Variants in PARG observed in about 807,000 individuals in gnomAD.
The protein encoded by PARG is poly(ADP-ribose) glycohydrolase.
In PARG, 35 loss-of-function variants were observed where a neutral mutation model predicts 113.0. The ratio of observed to expected loss-of-function variants is 0.31; its 90% CI spans 0.24 to 0.41. PARG has a LOEUF of 0.41. Among genes scored for constraint, PARG ranks in the 10% least tolerant of loss-of-function variants. The pLI is 1.00. For missense variants in PARG, 797 were observed against 1,169.4 expected, an observed-to-expected ratio of 0.68 and a Z score of 4.64; for synonymous variants, 330 against 409.9, an observed-to-expected ratio of 0.81 and a Z score of 2.36.
intron 7 of PARG, among the ~76,000 whole-genome samples, chr10:49,906,175 G>T: frequency 6.9e-6 from 1 of 144,508 alleles, no homozygotes; most frequent in Non-Finnish European, 1.5e-5. Context: ...TAGAAACAGG[G>T]TTTCACCATG....
intron 16 of PARG, among the ~76,000 whole-genome samples, chr10:49,831,105 A>C (rs1024823693): frequency 6.6e-6 from 1 of 152,182 alleles, no homozygotes; most frequent in Non-Finnish European, 1.5e-5. Context: ...TGGAGAATAG[A>C]ATAGAGGGTG....
At chr10:49,908,894 C>G (rs1178432636) in intron 7 of PARG, among the ~76,000 whole-genome samples, 1 of 152,090 alleles carries the variant, frequency 6.6e-6, no homozygotes. Flanking sequence ...AATTTACCGC[C>G]TTAGGTCAGC....
At chr10:49,883,982 TA>T (rs1847339324) in intron 8 of PARG, among the ~76,000 whole-genome samples, 2 of 151,970 alleles carry the variant, frequency 1.3e-5, no homozygotes. Flanking sequence ...GGAAGTTAGC[TA>T]TTATGTCATA....
chr10:49,929,034 C>G (rs1554851375), intron 4 of PARG, among the ~76,000 whole-genome samples: 1 of 152,136 alleles, frequency 6.6e-6, no homozygotes, highest in Non-Finnish European at 1.5e-5. Context: ...TTACAATAGT[C>G]TTGCATTGCT....
At chr10:49,889,698 G>A (rs1306112676) in intron 7 of PARG, among the ~76,000 whole-genome samples, 12 of 152,348 alleles carry the variant, frequency 7.9e-5, no homozygotes, top group African/African-American at 2.6e-4. Context: ...TGTCTTAACA[G>A]GCTGACACGT....
At chr10:49,850,560 C>T (rs1461251050) in intron 13 of PARG, among the ~76,000 whole-genome samples, 3 of 152,174 alleles carry the variant, frequency 2.0e-5, no homozygotes, top group African/African-American at 4.8e-5. Flanking sequence ...GGAACCAAGA[C>T]AGCAAGGACT....
At chr10:49,828,092 CAAAAAAAAAAAAAA>C (rs71026274) in intron 16 of PARG, among the ~76,000 whole-genome samples, 1 of 50,368 alleles carries the variant, frequency 2.0e-5, no homozygotes, top group Non-Finnish European at 3.5e-5. Context: ...AAAGCTTAAA[CAAAAAAAAAAAAAA>C]AAAAAAAAAA....
chr10:49,882,560 G>C (rs1462678742), intron 8 of PARG, among the ~76,000 whole-genome samples: 2 of 152,140 alleles, frequency 1.3e-5, no homozygotes, highest in African/African-American at 2.4e-5. Context: ...GGACTCAGGG[G>C]TCTGATTTTG....
In PARG at chr10:49,843,644, A is replaced by G; in HGVS notation, c.2354-12T>C. The G allele has an allele frequency of 6.6e-7, 1 of 1,518,984 alleles. No individual in the cohort carries two copies. The highest frequency in any genetic ancestry group is 8.9e-7 in the Non-Finnish European group (1 of 1,117,380). 94.1% of individuals were successfully genotyped at this position (1,518,984 alleles called of 1,614,324 possible). On this transcript the variant is annotated splice_polypyrimidine_tract_variant and intron_variant, in intron 13 of 17. Transcript: ENST00000616448. Reference sequence around the variant, plus strand: ...GTACTGCTCAGTACCTGAAACAAACAATCTGTCACTATTAACTTCACACTT... The same window carrying G: ...GTACTGCTCAGTACCTGAAACAAACGATCTGTCACTATTAACTTCACACTT...
chr10:49,907,740 A>C (rs1554845332), intron 7 of PARG, among the ~76,000 whole-genome samples: 1 of 152,228 alleles, frequency 6.6e-6, no homozygotes, highest in Admixed American at 6.5e-5. Flanking sequence ...TCAAGGCATC[A>C]TGTTTAACTG....
At chr10:49,893,483 T>G (rs2132699857) in intron 7 of PARG, among the ~76,000 whole-genome samples, 1 of 152,344 alleles carries the variant, frequency 6.6e-6, no homozygotes, top group East Asian at 1.9e-4. Flanking sequence ...GATAAACATT[T>G]TGCAAATATT....
chr10:49,882,294 CTTTAAT>C (rs1419293464), intron 8 of PARG, among the ~76,000 whole-genome samples: 1 of 150,660 alleles, frequency 6.6e-6, no homozygotes, highest in Non-Finnish European at 1.5e-5. Flanking sequence ...AATTTGTTTC[CTTTAAT>C]TTTATTTTGA....
At chr10:49,881,839 G>T (rs1847231396) in intron 8 of PARG, among the ~76,000 whole-genome samples, 1 of 152,112 alleles carries the variant, frequency 6.6e-6, no homozygotes, top group Non-Finnish European at 1.5e-5. Context: ...TCCCCTTCAG[G>T]TCTTAGCAAT....
chr10:49,917,417 A>G (rs1170181117), intron 6 of PARG, among the ~76,000 whole-genome samples: 1 of 147,646 alleles, frequency 6.8e-6, no homozygotes, highest in Non-Finnish European at 1.5e-5. Context: ...TGAACCAGGG[A>G]GTCAGATGTT....
At chr10:49,904,084 G>A (rs1377792562) in intron 7 of PARG, among the ~76,000 whole-genome samples, 1 of 151,314 alleles carries the variant, frequency 6.6e-6, no homozygotes, top group Non-Finnish European at 1.5e-5. Flanking sequence ...GTAAAATTAT[G>A]ACATCATACT....
intron 6 of PARG, among the ~76,000 whole-genome samples, chr10:49,921,860 C>T (rs1258347535): frequency 6.6e-6 from 1 of 151,180 alleles, no homozygotes; most frequent in East Asian, 1.9e-4. Flanking sequence ...TAAATTATTG[C>T]CAAAATATAA....
At chr10:49,840,384 C>T (rs1357075890) in intron 15 of PARG, among the ~76,000 whole-genome samples, 2 of 148,566 alleles carry the variant, frequency 1.3e-5, no homozygotes, top group African/African-American at 2.5e-5. Context: ...AACAAAGACC[C>T]TGCTTCAAAA....
intron 7 of PARG, among the ~76,000 whole-genome samples, chr10:49,909,020 AT>A (rs1204752743): frequency 6.6e-6 from 1 of 152,164 alleles, no homozygotes; most frequent in Admixed American, 6.5e-5. Context: ...CTCTAACAAT[AT>A]TTTTGTTCTA....
chr10:49,920,294 C>A (rs1235376272), intron 6 of PARG, among the ~76,000 whole-genome samples: 1 of 149,946 alleles, frequency 6.7e-6, no homozygotes, highest in African/African-American at 2.5e-5. Context: ...CTAAAATAAA[C>A]AAAATTAGTC....
Sources: allele counts gnomAD v4.1 joint callset (sites outside exome capture counted in the v4.1 genomes callset), GRCh38; gene constraint gnomAD v4.1.1; transcripts MANE v1.5; gene names NCBI Gene and HGNC (gene_info 2026-07-23, HGNC 2026-07-21).